MYO16: variants seen among roughly 807,000 people sequenced by gnomAD.
The protein encoded by MYO16 is myosin XVI.
A neutral mutation model predicts 205.3 loss-of-function variants in MYO16; 94 were observed. The ratio of observed to expected loss-of-function variants is 0.46; its 90% CI spans 0.39 to 0.54. The LOEUF (loss-of-function observed/expected upper bound fraction) is 0.54. Ranked by LOEUF, MYO16 falls within the 20% of genes least tolerant of loss-of-function variation. The pLI, the probability that MYO16 is intolerant of heterozygous loss-of-function variation, is 0.00. For missense variants in MYO16, 2,315 were observed against 2,387.5 expected (o/e 0.97, Z 0.63); for synonymous variants, 988 against 954.0 (o/e 1.04, Z -0.66).
In MYO16 at chr13:109,049,926, CTGTGTGTGTGTGTG is replaced by C. The variant is rs35960970; in HGVS notation, c.2873-2336_2873-2323del. 7.1e-3 allele frequency among the ~76,000 whole-genome samples: 756 copies of C among 105,986 alleles called. 1 individual carries two copies. The highest frequency in any genetic ancestry group is 0.01 in the Non-Finnish European group (497 of 49,508). The allele number at this position is 105,986 out of a possible 152,430, so 69.5% of individuals were successfully genotyped here. On this transcript the variant is annotated intron_variant, in intron 24 of 34. Transcript: ENST00000457511. ...TGTTCTCCTCTTTCCTTCCTTTGTC[CTGTGTGTGTGTGTG>C]TGTGTGTGTGTGTGTGTGTGTGTGT...
At position 109,000,254 on chromosome 13, in the gene MYO16, A is replaced by G. The variant is rs117465714; in HGVS notation, c.2442+7806A>G. Among the ~76,000 whole-genome samples the G allele has an allele frequency of 5.9e-4, 90 of 152,330 alleles. 1 individual carries two copies. The East Asian group carries it at 0.015, about 25-fold the overall frequency. On this transcript the variant is annotated intron_variant, in intron 21 of 34. Coordinates refer to ENST00000457511, the MANE Select transcript of MYO16 (RefSeq NM_001198950.3). ...GCTTTCATGTAGTTTTGTGCTAATA[A>G]TTGATAATGGCTACAATTTCTTGAG...
the MYO16 span, among the ~76,000 whole-genome samples, chr13:108,499,282 C>T: frequency 6.6e-6 from 1 of 152,210 alleles, no homozygotes; most frequent in Admixed American, 6.5e-5. Flanking sequence ...GTATGCAGGA[C>T]CTTGACTTTG....
chr13:109,124,952 C>A (rs538192949), intron 29 of MYO16, among the ~76,000 whole-genome samples, 160 bp from the exon 30 acceptor site: 1 of 152,292 alleles, frequency 6.6e-6, no homozygotes, highest in African/African-American at 2.4e-5. Flanking sequence ...AGAGCTTTGC[C>A]TTTAGTGTTA....
At chr13:108,517,928 G>T in the MYO16 span, among the ~76,000 whole-genome samples, 23 of 152,232 alleles carry the variant, frequency 1.5e-4, no homozygotes, top group African/African-American at 4.1e-4. Context: ...AAGGGAACTC[G>T]CTCCAGCCTC....
At chr13:108,760,149 T>C (rs1216762501) in intron 4 of MYO16, among the ~76,000 whole-genome samples, 2 of 152,216 alleles carry the variant, frequency 1.3e-5, no homozygotes, top group African/African-American at 2.4e-5. Flanking sequence ...TATCGAATAC[T>C]AGAATGTACT....
intron 4 of MYO16, among the ~76,000 whole-genome samples, chr13:108,753,166 G>C (rs996792619): frequency 6.7e-6 from 1 of 150,136 alleles, no homozygotes; most frequent in Non-Finnish European, 1.5e-5. Flanking sequence ...TCAGCAGTTC[G>C]AGACCAGCCT....
chr13:109,151,607 A>G (rs748810001), intron 32 of MYO16, among the ~76,000 whole-genome samples: 7 of 152,216 alleles, frequency 4.6e-5, no homozygotes, highest in Non-Finnish European at 8.8e-5. Context: ...AAAATCAAAC[A>G]TAACCCTTCA....
At chr13:108,921,210 C>T (rs1035022138) in intron 16 of MYO16, among the ~76,000 whole-genome samples, 4 of 152,268 alleles carry the variant, frequency 2.6e-5, no homozygotes, top group Admixed American at 1.3e-4. Flanking sequence ...CCGCTTGTAC[C>T]GGGCAACCCC....
the MYO16 span, among the ~76,000 whole-genome samples, chr13:108,550,280 G>A: frequency 6.6e-6 from 1 of 152,240 alleles, no homozygotes; most frequent in South Asian, 2.1e-4. Context: ...GACAACCTTT[G>A]CAATTGTCTG....
intron 27 of MYO16, among the ~76,000 whole-genome samples, chr13:109,073,912 C>A (rs779723714): frequency 3.3e-5 from 5 of 152,294 alleles, no homozygotes; most frequent in Middle Eastern, 3.4e-3. Context: ...CTGTCAAGAT[C>A]TCAAGCTCGG....
intron 1 of MYO16, among the ~76,000 whole-genome samples, chr13:108,611,953 ATATTCTTTTTTTTT>A (rs1383600624): frequency 5.4e-5 from 8 of 148,462 alleles, no homozygotes; most frequent in Non-Finnish European, 1.5e-5. Context: ...AAGGCAGGTA[ATATTCTTTTTTTTT>A]TTTTCTTTTT....
chr13:108,575,727 C>T, the MYO16 span, among the ~76,000 whole-genome samples: 12 of 152,228 alleles, frequency 7.9e-5, no homozygotes, highest in African/African-American at 2.6e-4. Context: ...CCTGCCCGCC[C>T]GCGTATACAT....
At chr13:109,067,881 G>A (rs1887802744) in intron 27 of MYO16, among the ~76,000 whole-genome samples, 1 of 152,042 alleles carries the variant, frequency 6.6e-6, no homozygotes, top group East Asian at 1.9e-4. Context: ...TACAAATGAA[G>A]GATTGTACAT....
At chr13:109,173,887 C>CA (rs778094207) in intron 33 of MYO16, among the ~76,000 whole-genome samples, 611 of 29,058 alleles carry the variant, frequency 0.021, 109 homozygotes, top group African/African-American at 0.048. Flanking sequence ...GACTCCATCT[C>CA]AAAAAAAAAA....
chr13:108,838,431 G>C (rs1458990243), intron 9 of MYO16, among the ~76,000 whole-genome samples: 1 of 151,520 alleles, frequency 6.6e-6, no homozygotes, highest in South Asian at 2.1e-4. Flanking sequence ...AAGGCAGGTG[G>C]ATCACTTGAG....
At chr13:108,985,308 A>G (rs2139423479) in intron 20 of MYO16, among the ~76,000 whole-genome samples, 1 of 152,326 alleles carries the variant, frequency 6.6e-6, no homozygotes, top group South Asian at 2.1e-4. Flanking sequence ...CAGGAAATCC[A>G]TCCCTCCTTG....
chr13:108,874,695 TC>T lies in MYO16; in HGVS notation c.1426-8363del, dbSNP rs1483045926. The stretch of plus-strand genomic sequence containing the variant: ...CCAGAGGCAGACAGTTTCATCATCA[TC>T]ATTATTATTATTATTATTATTATTA... On this transcript the variant is annotated intron_variant, in intron 12 of 34. Coordinates refer to ENST00000457511, the MANE Select transcript of MYO16 (RefSeq NM_001198950.3). 4.9e-3 allele frequency among the ~76,000 whole-genome samples: 342 copies of T among 69,984 alleles called. 1 individual carries two copies. The highest frequency in any genetic ancestry group is 0.013 in the African/African-American group (323 of 25,296). The allele number at this position is 69,984 out of a possible 152,430, so 45.9% of individuals were successfully genotyped here.
intron 2 of MYO16, among the ~76,000 whole-genome samples, chr13:108,696,571 C>T (rs111549424): frequency 0.015 from 2,348 of 152,198 alleles, 49 homozygotes; most frequent in African/African-American, 0.053. Flanking sequence ...TTCAGAATAA[C>T]GGGTTGTCCC....
chr13:108,714,302 G>A (rs9555498), intron 3 of MYO16, among the ~76,000 whole-genome samples: 2 of 152,214 alleles, frequency 1.3e-5, no homozygotes, highest in East Asian at 3.9e-4. Flanking sequence ...TGATCCACCC[G>A]CCTTGGCCTC....
Sources: allele counts gnomAD v4.1 joint callset (sites outside exome capture counted in the v4.1 genomes callset), GRCh38; gene constraint gnomAD v4.1.1; transcripts MANE v1.5; gene names NCBI Gene and HGNC (gene_info 2026-07-23, HGNC 2026-07-21).